MYO7A: variants seen among roughly 807,000 people sequenced by gnomAD.
MYO7A encodes unconventional myosin-VIIa.
A neutral mutation model predicts 263.8 loss-of-function variants in MYO7A; 210 were observed. The observed-to-expected ratio is 0.80, with a 90% CI of 0.71 to 0.89. The LOEUF (loss-of-function observed/expected upper bound fraction) is 0.89, where lower values mean the gene tolerates loss of function less well. MYO7A is among the 40% of genes least tolerant of loss of function. The probability of loss-of-function intolerance (pLI) is 0.00; values close to 1 mark genes in which losing one functional copy is unlikely to be tolerated. For synonymous variants in MYO7A, 1,239 were observed against 1,197.3 expected (o/e 1.03, Z -0.72); for missense variants, 2,820 against 2,968.3 (o/e 0.95, Z 1.16).
intron 32 of MYO7A, among the ~76,000 whole-genome samples, chr11:77,196,739 G>C (rs1020029799): frequency 6.6e-6 from 1 of 152,094 alleles, no homozygotes; most frequent in Non-Finnish European, 1.5e-5. Context: ...GCTCTCATGG[G>C]TGGAGATGGG....
At chr11:77,145,952 C>T (rs1951530475) in intron 3 of MYO7A, among the ~76,000 whole-genome samples, 1 of 152,198 alleles carries the variant, frequency 6.6e-6, no homozygotes. Flanking sequence ...TGGTCCCCCG[C>T]AGTCACCAGC....
At chr11:77,145,792 G>A (rs1233911134) in intron 3 of MYO7A, among the ~76,000 whole-genome samples, 2 of 152,152 alleles carry the variant, frequency 1.3e-5, no homozygotes, top group African/African-American at 2.4e-5. Context: ...CTGGGGTGGG[G>A]GGCTCTGTCC....
In MYO7A at chr11:77,206,215, G is replaced by T; in HGVS notation, c.5742+13G>T. ...TGACACTGACGAGGTGAGGGTCACC[G>T]GCTTCTAGGTCTGCAGTGCCCAGGA... On this transcript the variant is annotated intron_variant, in intron 41 of 48. Transcript: ENST00000409709. The T allele has an allele frequency of 6.3e-7, 1 of 1,595,948 alleles. No homozygotes were observed. Among genetic ancestry groups the T allele is most frequent in the South Asian group, 1.1e-5 (1 of 89,402 alleles).
At position 77,199,619 on chromosome 11, in the gene MYO7A, G is replaced by A. The variant is rs1484578318; in HGVS notation, c.4653G>A (p.Ala1551=). ...CAGGCTGGGCAGGACTGACCCCGGC[G>A]GGGCCCTGTTCTCCGTGTTGGTCCT... ...PHSGWAGLTP[A]GPCSPCWSCR... Residue 1551 remains alanine (A), a synonymous_variant, in exon 35 of 49, where the codon GCG becomes GCA. Transcript: ENST00000409709. 6 of 1,606,240 alleles carry A rather than the reference G, an allele frequency of 3.7e-6. No individual in the cohort carries two copies. The highest frequency in any genetic ancestry group is 3.4e-5 in the Admixed American group (2 of 59,194).
chr11:77,132,922 C>T lies in MYO7A; in HGVS notation c.18+2270C>T, dbSNP rs1424807900. 2.6e-5 allele frequency among the ~76,000 whole-genome samples: 4 copies of T among 152,334 alleles called. No individual in the cohort carries two copies. The East Asian group carries it at 5.8e-4, about 22-fold the overall frequency. On this transcript the variant is annotated intron_variant, in intron 2 of 48. Coordinates refer to ENST00000409709, the MANE Select transcript of MYO7A (RefSeq NM_000260.4). The stretch of plus-strand genomic sequence containing the variant: ...GGGCCCGGCCTGTGGAACTGCAGAG[C>T]GGGTCGGCTCCCGGGGCTCGGGTTC...
intron 4 of MYO7A, 31 bp downstream of exon 4, chr11:77,147,981 G>A: frequency 6.7e-7 from 1 of 1,489,992 alleles, no homozygotes. Context: ...TGCCCGTCCA[G>A]GCCCCCTCAG....
In MYO7A at chr11:77,214,967, A is replaced by T; in HGVS notation, c.*271A>T. 2.2e-6 allele frequency: 1 copy of T among 456,088 alleles called. No individual in the cohort carries two copies. The highest frequency in any genetic ancestry group is 3.0e-5 in the South Asian group (1 of 32,826). The allele number at this position is 456,088 out of a possible 1,614,324, so 28.3% of individuals were successfully genotyped here. The stretch of plus-strand genomic sequence containing the variant: ...GCCTTCCCGGTTGTGAGAGCCTGTG[A>T]TCCTTAGATGTGTCTCCTGTTTCAG... On this transcript the variant is annotated 3_prime_UTR_variant, in exon 49 of 49. Coordinates refer to ENST00000409709, the MANE Select transcript of MYO7A (RefSeq NM_000260.4).
chr11:77,203,323 G>A (rs1957204583), intron 38 of MYO7A, 106 bp downstream of exon 38: 2 of 1,329,590 alleles, frequency 1.5e-6, no homozygotes, highest in East Asian at 5.1e-5. Context: ...GGCACACATG[G>A]GGAGGGTTGA....
At chr11:77,148,388 G>A (rs1951734052) in intron 4 of MYO7A, among the ~76,000 whole-genome samples, 1 of 152,196 alleles carries the variant, frequency 6.6e-6, no homozygotes, top group African/African-American at 2.4e-5. Context: ...ATCCTCAGGA[G>A]GGTGCTAAAG....
At chr11:77,159,569 A>G (rs1449694651) in intron 10 of MYO7A, 46 bp downstream of exon 10, 1 of 1,585,696 alleles carries the variant, frequency 6.3e-7, no homozygotes, top group Non-Finnish European at 8.6e-7. Context: ...GTCCCTCTGA[A>G]GGGTTGAGTT....
intron 15 of MYO7A, among the ~76,000 whole-genome samples, chr11:77,169,097 T>G (rs1953837240): frequency 6.6e-6 from 1 of 152,260 alleles, no homozygotes; most frequent in Non-Finnish European, 1.5e-5. Flanking sequence ...ATCAGCTTGG[T>G]TAATTGTGAG....
At chr11:77,195,122 C>T (rs1485739491) in intron 32 of MYO7A, among the ~76,000 whole-genome samples, 1 of 152,092 alleles carries the variant, frequency 6.6e-6, no homozygotes, top group Non-Finnish European at 1.5e-5. Flanking sequence ...GTCGAGGGCT[C>T]CATAGTCTGA....
chr11:77,158,948 G>A (rs1332424981), intron 9 of MYO7A, among the ~76,000 whole-genome samples: 3 of 152,226 alleles, frequency 2.0e-5, no homozygotes, highest in African/African-American at 7.2e-5. Context: ...TCCCCAGGCA[G>A]AGTAGGAGCC....
intron 47 of MYO7A, among the ~76,000 whole-genome samples, chr11:77,213,457 G>A (rs1957994933): frequency 2.6e-5 from 4 of 152,176 alleles, no homozygotes; most frequent in South Asian, 2.1e-4. Context: ...CATGCATCAC[G>A]CATTCCTGGC....
chr11:77,156,739 T>C lies in MYO7A; in HGVS notation c.550T>C (p.Trp184Arg). The C allele has an allele frequency of 6.2e-7, 1 of 1,613,864 alleles. No individual in the cohort carries two copies. Among genetic ancestry groups the C allele is most frequent in the Non-Finnish European group, 8.5e-7 (1 of 1,179,876 alleles). Reference sequence around the variant, plus strand: ...GGCAGCCATCAGTGGGCAGCACTCGTGGATTGAGCAGCAGGTCTTGGAGGC... The same window carrying C: ...GGCAGCCATCAGTGGGCAGCACTCGCGGATTGAGCAGCAGGTCTTGGAGGC... ...FLAAISGQHS[W>R]IEQQVLEATP... is the part of the protein sequence containing the mutation. Residue 184 changes from tryptophan (W) to arginine (R), a missense_variant, in exon 6 of 49, where the codon TGG becomes CGG. By Grantham distance (101) the Trp-to-Arg change is moderately radical. Transcript: ENST00000409709.
At chr11:77,193,956 AC>A (rs1159001437) in intron 31 of MYO7A, 2 of 462,682 alleles carry the variant, frequency 4.3e-6, no homozygotes, top group African/African-American at 4.0e-5. Context: ...CTGCCAGCAG[AC>A]CCTAGGTGTC....
chr11:77,139,838 G>T (rs1457038517), intron 2 of MYO7A, among the ~76,000 whole-genome samples: 2 of 152,100 alleles, frequency 1.3e-5, no homozygotes, highest in Non-Finnish European at 2.9e-5. Context: ...AGTTTCCTCG[G>T]CTGTAAAATG....
Position 77,194,346 on chromosome 11 carries a change from C to A in MYO7A, c.4153-8C>A, listed in dbSNP as rs143216377. On this transcript the variant is annotated splice_polypyrimidine_tract_variant and splice_region_variant and intron_variant, in intron 31 of 48. Transcript: ENST00000409709. ...GCCAATGCATGACCGAGGCCTCCCC[C>A]CACCTAGGAGGACGACCTGGCTGAG... 2 of 1,609,776 alleles carry A rather than the reference C, an allele frequency of 1.2e-6. No individual in the cohort carries two copies. Among genetic ancestry groups the A allele is most frequent in the South Asian group, 1.1e-5 (1 of 89,994 alleles).
rs782468194 is a variant in MYO7A, at chr11:77,183,080, G to T, written c.3298G>T (p.Glu1100Ter). Reference sequence around the variant, plus strand: ...GCTGGTCCTGCAGGCCCAGCTCCCCGAGGGCCAGAAGAAGAGCAGTGTGAG... The same window carrying T: ...GCTGGTCCTGCAGGCCCAGCTCCCCTAGGGCCAGAAGAAGAGCAGTGTGAG... The part of the protein sequence containing the change: ...LQGEGEAQLP[E>*]GQKKSSVRHK... Residue 1100 changes from glutamate (E) to a stop codon, truncating the protein, a stop_gained, in exon 26 of 49, where the codon GAG becomes TAG. Coordinates refer to ENST00000409709, the MANE Select transcript of MYO7A (RefSeq NM_000260.4). LOFTEE classifies it high-confidence loss of function. The T allele has an allele frequency of 2.1e-5, 32 of 1,551,392 alleles. No homozygotes were observed. The highest frequency in any genetic ancestry group is 2.7e-5 in the Non-Finnish European group (31 of 1,147,162).
Sources: gnomAD v4.1 joint callset for allele counts (sites outside exome capture counted in the v4.1 genomes callset) on GRCh38, gnomAD v4.1.1 for gene constraint, MANE v1.5 for transcripts, NCBI Gene and HGNC (gene_info 2026-07-23, HGNC 2026-07-21) for gene names.